PPIL4: variants seen among roughly 807,000 people sequenced by gnomAD.
PPIL4 encodes peptidyl-prolyl cis-trans isomerase-like 4.
A neutral mutation model predicts 69.1 loss-of-function variants in PPIL4; 50 were observed. The ratio of observed to expected loss-of-function variants is 0.72; its 90% CI spans 0.58 to 0.92. PPIL4 has a LOEUF of 0.92. PPIL4 is among the 40% of genes least tolerant of loss of function. The pLI, the probability that PPIL4 is intolerant of heterozygous loss-of-function variation, is 0.00. For missense variants in PPIL4, 480 were observed against 587.9 expected, an observed-to-expected ratio of 0.82 and a Z score of 1.90; for synonymous variants, 193 against 191.6, an observed-to-expected ratio of 1.01 and a Z score of -0.06.
intron 5 of PPIL4, among the ~76,000 whole-genome samples, chr6:149,535,153 G>A (rs1251758441): frequency 6.6e-6 from 1 of 152,108 alleles, no homozygotes; most frequent in African/African-American, 2.4e-5. Context: ...TCAGGAGATC[G>A]TGACCATCCT....
intron 10 of PPIL4, among the ~76,000 whole-genome samples, chr6:149,518,564 T>A (rs1776981167): frequency 6.6e-6 from 1 of 152,124 alleles, no homozygotes; most frequent in African/African-American, 2.4e-5. Flanking sequence ...AAAGACAAGA[T>A]CAATCTATTT....
At chr6:149,510,513 G>A (rs1776827686) in intron 12 of PPIL4, among the ~76,000 whole-genome samples, 1 of 152,200 alleles carries the variant, frequency 6.6e-6, no homozygotes, top group Non-Finnish European at 1.5e-5. Context: ...GGAGGCTGAG[G>A]CAGGCAGATC....
intron 4 of PPIL4, among the ~76,000 whole-genome samples, chr6:149,536,343 T>C (rs1777275039): frequency 2.0e-5 from 3 of 152,186 alleles, no homozygotes; most frequent in Admixed American, 2.0e-4. Context: ...TCTCTTACTT[T>C]AAATCAAAAG....
At chr6:149,525,951 T>C (rs1484670978) in intron 8 of PPIL4, among the ~76,000 whole-genome samples, 2 of 152,046 alleles carry the variant, frequency 1.3e-5, no homozygotes, top group Non-Finnish European at 1.5e-5. Context: ...ATACAAAAAT[T>C]AGCTGGGCGT....
intron 7 of PPIL4, among the ~76,000 whole-genome samples, chr6:149,530,348 G>A (rs1777177126): frequency 6.6e-6 from 1 of 152,078 alleles, no homozygotes; most frequent in Non-Finnish European, 1.5e-5. Context: ...GATAATGAAC[G>A]GATAGATAAG....
intron 9 of PPIL4, among the ~76,000 whole-genome samples, chr6:149,522,284 T>C (rs955082904): frequency 3.3e-5 from 5 of 152,344 alleles, no homozygotes; most frequent in Admixed American, 6.5e-5. Flanking sequence ...ACCTAAATAA[T>C]AGTTAATAAA....
chr6:149,535,575 G>C, intron 5 of PPIL4, 21 bp downstream of exon 5: 1 of 1,598,746 alleles, frequency 6.3e-7, no homozygotes, highest in Non-Finnish European at 8.6e-7. Context: ...AGTACATTCA[G>C]ATAGCAAATT....
At chr6:149,535,269 T>A (rs149264362) in intron 5 of PPIL4, among the ~76,000 whole-genome samples, 1,637 of 152,244 alleles carry the variant, frequency 0.011, 30 homozygotes, top group African/African-American at 0.038. Flanking sequence ...GGCAGGAGAA[T>A]GGTGTGAACC....
intron 10 of PPIL4, chr6:149,517,902 G>A (rs1380922251): frequency 6.5e-6 from 1 of 153,440 alleles, no homozygotes; most frequent in Non-Finnish European, 1.4e-5. Flanking sequence ...TGAGGCAGGA[G>A]GATCGCGTGA....
At chr6:149,524,087 CAT>C (rs2115033218) in intron 9 of PPIL4, among the ~76,000 whole-genome samples, 1 of 152,282 alleles carries the variant, frequency 6.6e-6, no homozygotes, top group East Asian at 1.9e-4. Context: ...CTACTGGATA[CAT>C]ATGAGTCCAA....
At chr6:149,529,462 T>A (rs979855813) in intron 7 of PPIL4, among the ~76,000 whole-genome samples, 3 of 148,664 alleles carry the variant, frequency 2.0e-5, no homozygotes, top group South Asian at 2.1e-4. Context: ...TAAAAAAAAA[T>A]TAAAAAAAAT....
At chr6:149,508,351 A>G (rs773805096) in intron 12 of PPIL4, among the ~76,000 whole-genome samples, 1 of 152,190 alleles carries the variant, frequency 6.6e-6, no homozygotes, top group Non-Finnish European at 1.5e-5. Context: ...GGTCCTTTCC[A>G]GTATGAATTT....
rs1405971415 is a variant in PPIL4, at chr6:149,505,363, T to C, written c.*90A>G. 7.9e-7 allele frequency: 1 copy of C among 1,258,378 alleles called. No individual in the cohort carries two copies. Among genetic ancestry groups the C allele is most frequent in the Non-Finnish European group, 1.1e-6 (1 of 902,390 alleles). 78.0% of individuals were successfully genotyped at this position (1,258,378 alleles called of 1,614,324 possible). On this transcript the variant is annotated 3_prime_UTR_variant, in exon 13 of 13. Transcript: ENST00000253329. Reference sequence around the variant, plus strand: ...CCTAGTATGAAAAAAATAACAAGCTTTGACACAAAATCTAAGCATCTGCTT... The same window carrying C: ...CCTAGTATGAAAAAAATAACAAGCTCTGACACAAAATCTAAGCATCTGCTT...
At position 149,515,090 on chromosome 6, in the gene PPIL4, G is replaced by A. The variant is rs903528373; in HGVS notation, c.1079+2264C>T. Among the ~76,000 whole-genome samples the A allele has an allele frequency of 1.2e-4, 18 of 151,786 alleles. No homozygotes were observed. The East Asian group carries it at 1.4e-3, about 12-fold the overall frequency. On this transcript the variant is annotated intron_variant, in intron 11 of 12. Coordinates refer to ENST00000253329, the MANE Select transcript of PPIL4 (RefSeq NM_139126.4). ...CGACCTCGGGTGATCTGCCCGCCTCGGCCTCCCAGAGTGCTGGGATTATAG... is the reference window on the plus strand; with the variant it reads ...CGACCTCGGGTGATCTGCCCGCCTCAGCCTCCCAGAGTGCTGGGATTATAG...
intron 7 of PPIL4, among the ~76,000 whole-genome samples, chr6:149,530,455 T>C (rs192277069): frequency 1.3e-5 from 2 of 151,838 alleles, no homozygotes; most frequent in East Asian, 3.9e-4. Flanking sequence ...GGTCAGGAGT[T>C]TGAGACAAGC....
intron 1 of PPIL4, 31 bp downstream of exon 1, chr6:149,545,905 C>A (rs771702691): frequency 1.2e-5 from 18 of 1,559,486 alleles, no homozygotes; most frequent in Non-Finnish European, 1.6e-5. Flanking sequence ...TCGGGGGCCC[C>A]GGCGACAGGT....
At position 149,505,325 on chromosome 6, in the gene PPIL4, T is replaced by C. The variant is rs1776752414; in HGVS notation, c.*128A>G. On this transcript the variant is annotated 3_prime_UTR_variant, in exon 13 of 13. Transcript: ENST00000253329. ...GTGCTCTATATAATCAGTATTAATC[T>C]AAAGACCATAATCCTAGTATGAAAA... The C allele has an allele frequency of 2.1e-5, 17 of 823,598 alleles. No homozygotes were observed. In the South Asian group the frequency reaches 2.8e-4, roughly 14 times the overall value. 51.0% of individuals were successfully genotyped at this position (823,598 alleles called of 1,614,324 possible).
Position 149,505,468 on chromosome 6 carries a change from T to C in PPIL4, c.1464A>G (p.Lys488=), listed in dbSNP as rs1776754791. ...TCTTCATCTTTCATCTATACTTAGA[T>C]TTTTCTTTATCTTTGGACTTCTTTG... ...RSPKKSKDKE[K]SKYR is the part of the protein sequence containing the mutation. Residue 488 remains lysine (K), a synonymous_variant, in exon 13 of 13, where the codon AAA becomes AAG. Transcript: ENST00000253329. 1 of 1,612,244 alleles carries C rather than the reference T, an allele frequency of 6.2e-7. No individual in the cohort carries two copies. Among genetic ancestry groups the C allele is most frequent in the Admixed American group, 1.7e-5 (1 of 59,640 alleles).
intron 12 of PPIL4, among the ~76,000 whole-genome samples, chr6:149,511,789 C>A (rs1206447308): frequency 6.6e-6 from 1 of 151,984 alleles, no homozygotes; most frequent in Non-Finnish European, 1.5e-5. Context: ...ATCTCAAGAG[C>A]CCTTAAGTGC....
Sources: gnomAD v4.1 joint callset for allele counts (sites outside exome capture counted in the v4.1 genomes callset) on GRCh38, gnomAD v4.1.1 for gene constraint, MANE v1.5 for transcripts, NCBI Gene and HGNC (gene_info 2026-07-23, HGNC 2026-07-21) for gene names.